Variants in RAPGEF3 observed in about 807,000 individuals in gnomAD.
RAPGEF3 encodes the protein 9330170P05Rik.
Under a neutral mutation model 129.8 loss-of-function variants are expected in RAPGEF3, and 103 were observed. The observed-to-expected ratio is 0.79, with a 90% confidence interval of 0.68 to 0.93. The LOEUF (loss-of-function observed/expected upper bound fraction) is 0.93, where lower values mean the gene tolerates loss of function less well. RAPGEF3 is among the 40% of genes least tolerant of loss of function. RAPGEF3 has a pLI of 0.00. For missense variants in RAPGEF3, 1,117 were observed against 1,207.4 expected, an observed-to-expected ratio of 0.93 and a Z score of 1.11; for synonymous variants, 436 against 482.6, an observed-to-expected ratio of 0.90 and a Z score of 1.26.
In RAPGEF3 at chr12:47,740,782, C is replaced by G. The variant is rs1171796309; in HGVS notation, c.2091G>C (p.Arg697=). The part of the protein sequence containing the change: ...IHYVLGPQHL[R]DVTTANLERF... Reference sequence around the variant, plus strand: ...GCTCCAGGTTGGCGGTGGTGACATCCCGCAGATGCTGGGGGCCCAGCACAT... The same window carrying G: ...GCTCCAGGTTGGCGGTGGTGACATCGCGCAGATGCTGGGGGCCCAGCACAT... The change falls in exon 21 of 28, where the codon CGG becomes CGC. Residue 697 remains arginine, a synonymous_variant. Transcript: ENST00000449771. 6.2e-7 allele frequency: 1 copy of G among 1,613,918 alleles called. No individual in the cohort carries two copies. The highest frequency in any genetic ancestry group is 8.5e-7 in the Non-Finnish European group (1 of 1,179,998).
rs546460816 is a variant in RAPGEF3, at chr12:47,758,818, G to C, written c.-262C>G. On this transcript the variant is annotated 5_prime_UTR_variant, in exon 1 of 28. Transcript: ENST00000449771. ...AGCCACCGGCGACAGGGAGCCCCGA[G>C]CCTGCGCCTTCGTCTCAGACGAAGG... 15 of 1,231,798 alleles carry C rather than the reference G, an allele frequency of 1.2e-5. No individual in the cohort carries two copies. In the East Asian group the frequency reaches 4.3e-4, roughly 35 times the overall value. The allele number at this position is 1,231,798 out of a possible 1,614,324, so 76.3% of individuals were successfully genotyped here.
intron 2 of RAPGEF3, chr12:47,756,560 C>G (rs991363478): frequency 6.6e-6 from 1 of 152,200 alleles, no homozygotes; most frequent in Non-Finnish European, 1.5e-5. Context: ...AGGAGCCCCT[C>G]ATCTTGGTAG....
rs1483503703 is a variant in RAPGEF3 at position 47,740,949 on chromosome 12, T to C, written c.2015A>G (p.Asp672Gly). 3 of 1,613,890 alleles carry C rather than the reference T, an allele frequency of 1.9e-6. No individual in the cohort carries two copies. The highest frequency in any genetic ancestry group is 1.7e-6 in the Non-Finnish European group (2 of 1,179,992). The change falls in exon 20 of 28, where the codon GAC becomes GGC. Residue 672 changes from aspartate (D) to glycine (G), a missense_variant. By Grantham distance (94) the Asp-to-Gly change is moderately conservative (BLOSUM62 -1). Transcript: ENST00000449771. ...SAKDLAGQLT[D>G]HDWSLFNSIH... is the part of the protein sequence containing the mutation. ...ACTGTTGAAGAGGCTCCAGTCGTGG[T>C]CCGTCAGCTGGCCTGCCAGGTCCTT...
intron 18 of RAPGEF3, among the ~76,000 whole-genome samples, chr12:47,742,594 G>A (rs1214651111): frequency 6.6e-6 from 1 of 152,158 alleles, no homozygotes; most frequent in Admixed American, 6.5e-5. Flanking sequence ...AGGTTCTCTG[G>A]AGGCCCATCT....
chr12:47,739,011 G>A, intron 24 of RAPGEF3, 132 bp downstream of exon 24: 2 of 818,816 alleles, frequency 2.4e-6, no homozygotes, highest in Non-Finnish European at 3.9e-6. Context: ...CAGCACTTGA[G>A]GTATAATCTC....
intron 16 of RAPGEF3, chr12:47,744,828 A>G (rs1941340338): frequency 2.6e-5 from 4 of 152,162 alleles, no homozygotes; most frequent in Admixed American, 1.3e-4. Flanking sequence ...ACATTTCCAA[A>G]TCTCAGGGAC....
rs1940767507 is a variant in RAPGEF3 at position 47,735,414 on chromosome 12, A to C, written c.*2153T>G. The C allele has an allele frequency of 6.6e-6, 1 of 152,266 alleles. No homozygotes were observed. The highest frequency in any genetic ancestry group is 2.1e-4 in the South Asian group (1 of 4,832). 9.4% of individuals were successfully genotyped at this position (152,266 alleles called of 1,614,324 possible). ...CCAGCATGGGGCCACCGTAACATGG[A>C]GCCTTTCCCCGCTTTTGGGCCTCCT... On this transcript the variant is annotated 3_prime_UTR_variant, in exon 28 of 28. Coordinates refer to ENST00000449771, the MANE Select transcript of RAPGEF3 (RefSeq NM_001098531.4).
chr12:47,757,814 C>T, intron 2 of RAPGEF3, 52 bp downstream of exon 2: 1 of 1,485,424 alleles, frequency 6.7e-7, no homozygotes, highest in Non-Finnish European at 9.1e-7. Flanking sequence ...ATCTAGGCCC[C>T]CCTCTAGCTC....
chr12:47,740,840 G>A lies in RAPGEF3; in HGVS notation c.2050-17C>T, dbSNP rs1941113945. The A allele has an allele frequency of 1.9e-6, 3 of 1,613,680 alleles. No individual in the cohort carries two copies. Among genetic ancestry groups the A allele is most frequent in the South Asian group, 1.1e-5 (1 of 91,064 alleles). On this transcript the variant is annotated splice_polypyrimidine_tract_variant and intron_variant, in intron 20 of 27. Transcript: ENST00000449771. ...CAGCTCCACCTGGGTGGGGTCAGCAGGAGAGGTCAGCGAGTGCTGAGCCGA... is the reference window on the plus strand; with the variant it reads ...CAGCTCCACCTGGGTGGGGTCAGCAAGAGAGGTCAGCGAGTGCTGAGCCGA...
chr12:47,738,706 A>G lies in RAPGEF3; in HGVS notation c.2510T>C (p.Ile837Thr), dbSNP rs1234147177. Residue 837 changes from isoleucine (I) to threonine (T), a missense_variant, in exon 25 of 28, where the codon ATC becomes ACC. Physicochemically the swap from Ile to Thr is moderately conservative, Grantham distance 89. Around this residue, in one of 3 missense-constraint regions of RAPGEF3, gnomAD observed 643 missense variants for 673.4 expected, o/e 0.95. Transcript: ENST00000449771. Reference sequence around the variant, plus strand: ...TGGACTCACCATCTTCTCAAAGTTGATGAGATTCTCCACTAGTGTGTGGTT... The same window carrying G: ...TGGACTCACCATCTTCTCAAAGTTGGTGAGATTCTCCACTAGTGTGTGGTT... ...EGNHTLVENLINFEKMRMMAR... is the reference protein window; with the variant it reads ...EGNHTLVENLTNFEKMRMMAR... 3 of 1,607,750 alleles carry G rather than the reference A, an allele frequency of 1.9e-6. No homozygotes were observed. Among genetic ancestry groups the G allele is most frequent in the Admixed American group, 3.3e-5 (2 of 60,000 alleles).
intron 11 of RAPGEF3, 35 bp from the exon 12 acceptor site, chr12:47,748,577 A>G: frequency 6.6e-7 from 1 of 1,518,666 alleles, no homozygotes; most frequent in Non-Finnish European, 9.1e-7. Flanking sequence ...CACTGGTGCC[A>G]CTACTCCCCA....
Position 47,749,840 on chromosome 12 carries a change from C to T in RAPGEF3, c.818-23G>A, listed in dbSNP as rs73304415. On this transcript the variant is annotated intron_variant, in intron 8 of 27. Transcript: ENST00000449771. This position sits in a 1 kb window ranked among gnomAD's most constrained non-coding sequence, Gnocchi z 4.5. ...ACACTGACAGAAGCATACCTCAGAC[C>T]GGGCCCTCCTGGCACCTACCATTCC... 7.6e-4 allele frequency: 1,230 copies of T among 1,614,100 alleles called. 9 individuals carry two copies. In the African/African-American group the frequency reaches 0.014, roughly 18 times the overall value.
Position 47,740,691 on chromosome 12 carries a change from G to C in RAPGEF3, c.2182C>G (p.Pro728Ala). The change falls in exon 21 of 28, where the codon CCC (proline) becomes GCC (alanine). Residue 728 changes from proline to alanine, a missense_variant. Physicochemically the swap from Pro to Ala is conservative, Grantham distance 27. Transcript: ENST00000449771. The stretch of plus-strand genomic sequence containing the variant: ...CTGAGCAGCTGGGCCCGGGGGCCGG[G>C]CACGGGGCAGAGACACAGCTCGGTG... ...VATELCLCPV[P>A]GPRAQLLRKF... is the part of the protein sequence containing the mutation. The C allele has an allele frequency of 6.2e-7, 1 of 1,613,874 alleles. No individual in the cohort carries two copies. Among genetic ancestry groups the C allele is most frequent in the Non-Finnish European group, 8.5e-7 (1 of 1,179,974 alleles).
chr12:47,753,573 A>G (rs1941881679), intron 2 of RAPGEF3, among the ~76,000 whole-genome samples: 1 of 152,220 alleles, frequency 6.6e-6, no homozygotes. Flanking sequence ...TGCCCGGGTC[A>G]TGGGGCCCAG....
chr12:47,750,932 A>G (rs964903703), intron 6 of RAPGEF3, 116 bp downstream of exon 6: 49 of 1,439,036 alleles, frequency 3.4e-5, no homozygotes, highest in Non-Finnish European at 4.6e-5. Flanking sequence ...TGGGCCAGCC[A>G]GGTTCCCTTC....
chr12:47,746,717 C>T (rs1941439685), intron 16 of RAPGEF3, 143 bp downstream of exon 16: 3 of 1,000,622 alleles, frequency 3.0e-6, no homozygotes, highest in Non-Finnish European at 4.7e-6. Flanking sequence ...AGCAAGGGCC[C>T]CGTGAACACC....
At chr12:47,746,699 C>T in intron 16 of RAPGEF3, 161 bp downstream of exon 16, 6 of 892,792 alleles carry the variant, frequency 6.7e-6, no homozygotes, top group Non-Finnish European at 1.1e-5. Flanking sequence ...GCCCAGGGCA[C>T]CACATGCAGC....
chr12:47,753,382 T>C (rs1941867820), intron 2 of RAPGEF3, among the ~76,000 whole-genome samples: 1 of 152,202 alleles, frequency 6.6e-6, no homozygotes, highest in African/African-American at 2.4e-5. Context: ...GCTTCCCATC[T>C]GGCTTCAGGT....
At chr12:47,743,727 C>A in intron 17 of RAPGEF3, 51 bp from the exon 18 acceptor site, 1 of 1,583,228 alleles carries the variant, frequency 6.3e-7, no homozygotes, top group Non-Finnish European at 8.6e-7. Context: ...GATCTCCACC[C>A]CAGGAGGGAG....
Sources: gnomAD v4.1 joint callset for allele counts (sites outside exome capture counted in the v4.1 genomes callset) on GRCh38, gnomAD v4.1.1 for gene constraint, gnomAD v4.1.1 regional missense constraint, Gnocchi (gnomAD v3.1) non-coding constraint, MANE v1.5 for transcripts, NCBI Gene and HGNC (gene_info 2026-07-23, HGNC 2026-07-21) for gene names.